TLK2: variants seen among roughly 807,000 people sequenced by gnomAD.
TLK2 encodes the protein tousled like kinase 2.
In TLK2, 6 loss-of-function variants were observed where a neutral mutation model predicts 117.3. The ratio of observed to expected loss-of-function variants is 0.05; its 90% CI spans 0.03 to 0.10. The LOEUF (loss-of-function observed/expected upper bound fraction) is 0.10, where lower values mean the gene tolerates loss of function less well. Ranked by LOEUF, TLK2 falls within the 10% of genes least tolerant of loss-of-function variation. The probability of loss-of-function intolerance (pLI) is 1.00; values close to 1 mark genes in which losing one functional copy is unlikely to be tolerated. For missense variants in TLK2, 299 were observed against 901.2 expected, an observed-to-expected ratio of 0.33 and a Z score of 8.56; for synonymous variants, 257 against 316.7, an observed-to-expected ratio of 0.81 and a Z score of 2.00.
At chr17:62,574,207 TAG>T in intron 12 of TLK2, 3 of 1,356,690 alleles carry the variant, frequency 2.2e-6, no homozygotes, top group Non-Finnish European at 2.9e-6. Flanking sequence ...TGTGGCATCC[TAG>T]AAGTGCATCT....
chr17:62,549,354 G>A (rs1170851520), intron 7 of TLK2, among the ~76,000 whole-genome samples: 3 of 113,338 alleles, frequency 2.6e-5, no homozygotes, highest in South Asian at 3.2e-4. Flanking sequence ...AGACGAGATC[G>A]TGCCACTACA....
At chr17:62,581,154 A>G (rs1432064161) in intron 15 of TLK2, among the ~76,000 whole-genome samples, 1 of 152,030 alleles carries the variant, frequency 6.6e-6, no homozygotes, top group Non-Finnish European at 1.5e-5. Flanking sequence ...CTGGGACTAC[A>G]GGCCCAGTGC....
intron 2 of TLK2, chr17:62,516,608 A>C: frequency 6.2e-7 from 1 of 1,610,290 alleles, no homozygotes. Flanking sequence ...TAGCCTCGGC[A>C]CTTGAGAGAC....
At chr17:62,481,718 G>A (rs1268495308) in intron 2 of TLK2, among the ~76,000 whole-genome samples, 4 of 152,010 alleles carry the variant, frequency 2.6e-5, no homozygotes, top group African/African-American at 9.7e-5. Context: ...CATAATATTA[G>A]ATTAGGCCCC....
chr17:62,534,973 C>G (rs931693781), intron 6 of TLK2, among the ~76,000 whole-genome samples: 4 of 136,834 alleles, frequency 2.9e-5, no homozygotes, highest in African/African-American at 1.1e-4. Context: ...ACTGCAACTT[C>G]CGCCTCCTGG....
intron 15 of TLK2, among the ~76,000 whole-genome samples, chr17:62,582,076 G>A (rs1378277104): frequency 6.6e-6 from 1 of 152,126 alleles, no homozygotes; most frequent in Admixed American, 6.5e-5. Context: ...GCAAGACCAT[G>A]CCTCTACAAA....
At chr17:62,485,901 A>C (rs148247431) in intron 2 of TLK2, among the ~76,000 whole-genome samples, 332 of 150,712 alleles carry the variant, frequency 2.2e-3, no homozygotes, top group Middle Eastern at 0.014. Flanking sequence ...ACTCACTGCA[A>C]GCTCCGCCTC....
intron 2 of TLK2, among the ~76,000 whole-genome samples, chr17:62,492,454 A>G (rs2073197717): frequency 1.3e-5 from 2 of 151,332 alleles, no homozygotes; most frequent in Non-Finnish European, 2.9e-5. Context: ...TTGTTATTAA[A>G]CTGTTTTTTT....
chr17:62,559,997 A>C lies in TLK2; in HGVS notation c.721-19A>C. The C allele has an allele frequency of 6.4e-7, 1 of 1,570,280 alleles. No individual in the cohort carries two copies. The highest frequency in any genetic ancestry group is 1.8e-5 in the Admixed American group (1 of 55,114). On this transcript the variant is annotated intron_variant, in intron 9 of 21. Coordinates refer to ENST00000346027, the MANE Select transcript of TLK2 (RefSeq NM_006852.6). ...ATCTTCTTCCTTGGAGCTAATTAAAAATTTTTTTCTCATTGAAGGCCAACT... is the reference window on the plus strand; with the variant it reads ...ATCTTCTTCCTTGGAGCTAATTAAACATTTTTTTCTCATTGAAGGCCAACT...
At chr17:62,512,424 C>T (rs1199656538) in intron 2 of TLK2, among the ~76,000 whole-genome samples, 42 of 151,834 alleles carry the variant, frequency 2.8e-4, no homozygotes, top group African/African-American at 6.3e-4. Flanking sequence ...GGTTTCTCCA[C>T]GTTGGTCAGG....
chr17:62,531,329 C>G (rs2076727294), intron 6 of TLK2, among the ~76,000 whole-genome samples: 1 of 151,996 alleles, frequency 6.6e-6, no homozygotes, highest in Non-Finnish European at 1.5e-5. Context: ...CCTTTCAGTT[C>G]CCAGATCCTG....
At chr17:62,550,241 A>G (rs988953455) in intron 7 of TLK2, 1 of 152,310 alleles carries the variant, frequency 6.6e-6, no homozygotes, top group African/African-American at 2.4e-5. Flanking sequence ...TCGGCCTCCC[A>G]AAGTGCTGGG....
At chr17:62,563,312 C>T (rs2079448727) in intron 10 of TLK2, among the ~76,000 whole-genome samples, 1 of 152,084 alleles carries the variant, frequency 6.6e-6, no homozygotes. Context: ...GGTGTGGTGG[C>T]ACACACCTGT....
intron 6 of TLK2, among the ~76,000 whole-genome samples, chr17:62,530,036 T>G (rs2076634152): frequency 6.6e-6 from 1 of 151,938 alleles, no homozygotes; most frequent in Non-Finnish European, 1.5e-5. Flanking sequence ...GATCCCTGTC[T>G]GTACGAGGCA....
At chr17:62,571,302 C>A (rs2080269766) in intron 11 of TLK2, among the ~76,000 whole-genome samples, 1 of 152,178 alleles carries the variant, frequency 6.6e-6, no homozygotes, top group South Asian at 2.1e-4. Flanking sequence ...TACTTTAAAT[C>A]ACCTCTGGAT....
chr17:62,514,891 G>C (rs1198831825), intron 2 of TLK2, among the ~76,000 whole-genome samples: 1 of 152,128 alleles, frequency 6.6e-6, no homozygotes, highest in African/African-American at 2.4e-5. Flanking sequence ...GAGCCACCGT[G>C]CCCGGCCCAC....
chr17:62,516,442 A>G, intron 2 of TLK2: 1 of 1,592,500 alleles, frequency 6.3e-7, no homozygotes, highest in Non-Finnish European at 8.5e-7. Context: ...CCTCATATAC[A>G]GACCTTTAGG....
intron 7 of TLK2, chr17:62,550,341 T>TTA (rs1229598596): frequency 2.0e-5 from 3 of 152,246 alleles, no homozygotes; most frequent in Admixed American, 6.5e-5. Flanking sequence ...ATGTGCCTTG[T>TTA]TATATGCTCT....
At chr17:62,546,100 T>G (rs1398305467) in intron 7 of TLK2, among the ~76,000 whole-genome samples, 2 of 152,070 alleles carry the variant, frequency 1.3e-5, no homozygotes, top group African/African-American at 4.8e-5. Context: ...CAGGCTGGTC[T>G]TGAACTCCTG....
Sources: gnomAD v4.1 joint callset for allele counts (sites outside exome capture counted in the v4.1 genomes callset) on GRCh38, gnomAD v4.1.1 for gene constraint, MANE v1.5 for transcripts, NCBI Gene and HGNC (gene_info 2026-07-23, HGNC 2026-07-21) for gene names.